The following ANKRD30B variants were observed in gnomAD, a reference collection of about 807,000 sequenced individuals.
The protein encoded by ANKRD30B is ankyrin repeat domain 30B, also known as ankyrin repeat domain-containing protein 30B.
In ANKRD30B, 144 loss-of-function variants were observed where a neutral mutation model predicts 202.2. The ratio of observed to expected loss-of-function variants is 0.71; its 90% CI spans 0.62 to 0.82. The LOEUF (loss-of-function observed/expected upper bound fraction) is 0.82. Among genes scored for constraint, ANKRD30B ranks in the 40% least tolerant of loss-of-function variants. The pLI, the probability that ANKRD30B is intolerant of heterozygous loss-of-function variation, is 0.00. For synonymous variants in ANKRD30B, 508 were observed against 561.3 expected, an observed-to-expected ratio of 0.91 and a Z score of 1.34; for missense variants, 1,487 against 1,669.1, an observed-to-expected ratio of 0.89 and a Z score of 1.90.
At chr18:14,873,464 G>A in the ANKRD30B span, among the ~76,000 whole-genome samples, 3 of 148,834 alleles carry the variant, frequency 2.0e-5, no homozygotes, top group Non-Finnish European at 4.4e-5. Flanking sequence ...GGCAGAGGTT[G>A]CAGTGAGCCG....
chr18:14,753,919 A>AT (rs1259179536), intron 3 of ANKRD30B, among the ~76,000 whole-genome samples: 2 of 152,096 alleles, frequency 1.3e-5, no homozygotes, highest in East Asian at 3.8e-4. Flanking sequence ...TATTTTTGAT[A>AT]TTTTTCCAAA....
At chr18:14,938,923 C>T in the ANKRD30B span, among the ~76,000 whole-genome samples, 1 of 152,138 alleles carries the variant, frequency 6.6e-6, no homozygotes. Flanking sequence ...ATTTCCCCCC[C>T]AGGAGAAGAT....
the ANKRD30B span, among the ~76,000 whole-genome samples, chr18:14,890,329 A>C: frequency 5.3e-5 from 8 of 152,092 alleles, no homozygotes; most frequent in South Asian, 1.5e-3. Flanking sequence ...TCTGTATCAA[A>C]TAAATAGTTA....
intron 3 of ANKRD30B, 99 bp from the exon 4 acceptor site, chr18:14,754,800 A>C: frequency 1.2e-6 from 1 of 806,278 alleles, no homozygotes; most frequent in Non-Finnish European, 1.8e-6. Context: ...TTTACTTTCT[A>C]CTTTATGTGT....
intron 39 of ANKRD30B, among the ~76,000 whole-genome samples, chr18:14,844,708 A>G (rs1396449214): frequency 6.6e-6 from 1 of 152,202 alleles, no homozygotes; most frequent in Non-Finnish European, 1.5e-5. Flanking sequence ...CAACAGTGTA[A>G]AAGTTTTCCT....
intron 30 of ANKRD30B, chr18:14,816,220 C>T (rs529006319): frequency 7.1e-4 from 108 of 152,362 alleles, no homozygotes; most frequent in African/African-American, 2.5e-3. Context: ...CTTATCTCCT[C>T]ATCACTCAGC....
intron 40 of ANKRD30B, among the ~76,000 whole-genome samples, chr18:14,849,243 G>A (rs1480548034): frequency 1.3e-5 from 2 of 151,790 alleles, no homozygotes; most frequent in Non-Finnish European, 3.0e-5. Flanking sequence ...ATAACTGCAT[G>A]TAAATCTTTT....
intron 4 of ANKRD30B, among the ~76,000 whole-genome samples, chr18:14,756,353 T>C (rs1383127235): frequency 1.3e-5 from 2 of 152,174 alleles, no homozygotes; most frequent in Non-Finnish European, 2.9e-5. Context: ...ATTCTGTAGG[T>C]TGCCTGTTCA....
the ANKRD30B span, among the ~76,000 whole-genome samples, chr18:14,871,170 G>T: frequency 9.9e-5 from 1 of 10,116 alleles, no homozygotes. Context: ...TACCCACACC[G>T]GCACACCCTC....
the ANKRD30B span, among the ~76,000 whole-genome samples, chr18:14,881,558 T>C: frequency 6.6e-6 from 1 of 152,142 alleles, no homozygotes; most frequent in Non-Finnish European, 1.5e-5. Context: ...TTGGTTATGT[T>C]CTTTCATGGT....
chr18:14,784,249 G>A (rs1376235297), intron 12 of ANKRD30B, 87 bp from the exon 13 acceptor site: 3 of 1,325,560 alleles, frequency 2.3e-6, no homozygotes, highest in Non-Finnish European at 3.2e-6. Context: ...CAACCAAGAG[G>A]ACTCAGTTAG....
the ANKRD30B span, among the ~76,000 whole-genome samples, chr18:14,904,572 A>G: frequency 5.3e-5 from 8 of 151,558 alleles, no homozygotes; most frequent in African/African-American, 1.9e-4. Context: ...CTCTACTTTG[A>G]TTTCCTCATT....
the ANKRD30B span, among the ~76,000 whole-genome samples, chr18:14,922,692 G>A: frequency 6.6e-6 from 1 of 151,808 alleles, no homozygotes; most frequent in African/African-American, 2.4e-5. Context: ...GAAAGTCTAG[G>A]TCACAAGGAC....
Position 14,778,060 on chromosome 18 carries a change from A to T in ANKRD30B, c.1405A>T (p.Asn469Tyr), listed in dbSNP as rs1329518912. The T allele has an allele frequency of 6.5e-7, 1 of 1,544,188 alleles. No homozygotes were observed. The highest frequency in any genetic ancestry group is 2.0e-5 in the Admixed American group (1 of 50,266). The change falls in exon 10 of 44, where the codon AAT becomes TAT. Residue 469 changes from asparagine (N) to tyrosine (Y), a missense_variant. Physicochemically the swap from Asn to Tyr is moderately radical, Grantham distance 143 (BLOSUM62 -2). Transcript: ENST00000690538. Reference sequence around the variant, plus strand: ...ATATCAAAAAGATATCAAAACAATAAATCACAAAATAGAAGGTAAGAACCA... The same window carrying T: ...ATATCAAAAAGATATCAAAACAATATATCACAAAATAGAAGGTAAGAACCA... ...ATYQKDIKTINHKIEDQMFPS... is the reference protein window; with the variant it reads ...ATYQKDIKTIYHKIEDQMFPS...
At chr18:14,905,157 T>C in the ANKRD30B span, among the ~76,000 whole-genome samples, 1 of 152,214 alleles carries the variant, frequency 6.6e-6, no homozygotes, top group South Asian at 2.1e-4. Flanking sequence ...TCATGAATAA[T>C]CCACCCCTTG....
the ANKRD30B span, among the ~76,000 whole-genome samples, chr18:14,892,966 C>T: frequency 6.6e-6 from 1 of 151,948 alleles, no homozygotes; most frequent in South Asian, 2.1e-4. Flanking sequence ...CATTTTTAAT[C>T]TTATCCCTCC....
rs138226900 is a variant in ANKRD30B, at chr18:14,788,501, G to A, written c.1734+1401G>A. Reference sequence around the variant, plus strand: ...GCTGGTGTGCTCCACCCATTAACTCGTCATTTAGCATTAGTTATATCTCCT... The same window carrying A: ...GCTGGTGTGCTCCACCCATTAACTCATCATTTAGCATTAGTTATATCTCCT... On this transcript the variant is annotated intron_variant, in intron 15 of 43. Coordinates refer to ENST00000690538, the MANE Select transcript of ANKRD30B (RefSeq NM_001367607.2). 3.4e-3 allele frequency among the ~76,000 whole-genome samples: 514 copies of A among 152,092 alleles called. 5 individuals carry two copies. The highest frequency in any genetic ancestry group is 0.011 in the African/African-American group (457 of 41,472).
At chr18:14,799,677 G>A (rs1352287462) in intron 22 of ANKRD30B, among the ~76,000 whole-genome samples, 1 of 152,088 alleles carries the variant, frequency 6.6e-6, no homozygotes, top group Non-Finnish European at 1.5e-5. Flanking sequence ...TGAGGTGACA[G>A]TTGTGAGCAT....
the ANKRD30B span, among the ~76,000 whole-genome samples, chr18:14,902,715 A>G: frequency 6.6e-6 from 1 of 152,166 alleles, no homozygotes; most frequent in African/African-American, 2.4e-5. Flanking sequence ...ACCGCCCCAG[A>G]CAATGAGGCC....
Sources: gnomAD v4.1 joint callset for allele counts (sites outside exome capture counted in the v4.1 genomes callset) on GRCh38, gnomAD v4.1.1 for gene constraint, MANE v1.5 for transcripts, NCBI Gene and HGNC (gene_info 2026-07-23, HGNC 2026-07-21) for gene names.